Variants in PLEKHA7 observed in about 807,000 individuals in gnomAD.
PLEKHA7 encodes the protein pleckstrin homology domain containing A7.
Under a neutral mutation model 170.0 loss-of-function variants are expected in PLEKHA7, and 104 were observed. The observed-to-expected ratio is 0.61, with a 90% CI of 0.52 to 0.72. The LOEUF (loss-of-function observed/expected upper bound fraction) is 0.72, where lower values mean the gene tolerates loss of function less well. Among genes scored for constraint, PLEKHA7 ranks in the 30% least tolerant of loss-of-function variants. The probability of loss-of-function intolerance (pLI) is 0.00; values close to 1 mark genes in which losing one functional copy is unlikely to be tolerated. For missense variants in PLEKHA7, 1,615 were observed against 1,671.7 expected, an observed-to-expected ratio of 0.97 and a Z score of 0.59; for synonymous variants, 648 against 660.8, an observed-to-expected ratio of 0.98 and a Z score of 0.30.
chr11:16,864,439 G>T (rs571229088), intron 4 of PLEKHA7, among the ~76,000 whole-genome samples: 2 of 152,244 alleles, frequency 1.3e-5, no homozygotes, highest in South Asian at 4.2e-4. Context: ...TTCATTTAAT[G>T]TTAAAGAGGA....
In PLEKHA7 at chr11:17,007,473, C is replaced by A. The variant is rs540237904; in HGVS notation, c.221+6516G>T. On this transcript the variant is annotated intron_variant, in intron 3 of 26. Coordinates refer to ENST00000531066, the MANE Select transcript of PLEKHA7 (RefSeq NM_001329630.2). ...AAGTAGCTGGGATTACAGGCACTCG[C>A]CACCATGCCCATAAATAGCAATTTT... 4.6e-5 allele frequency among the ~76,000 whole-genome samples: 7 copies of A among 152,150 alleles called. No individual in the cohort carries two copies. In the East Asian group the frequency reaches 1.4e-3, roughly 29 times the overall value.
chr11:16,887,322 TCTCC>T (rs1856194615), intron 3 of PLEKHA7, among the ~76,000 whole-genome samples: 1 of 83,338 alleles, frequency 1.2e-5, no homozygotes, highest in South Asian at 3.5e-4. Flanking sequence ...TCCCTCTCCC[TCTCC>T]CCACGGTCTC....
chr11:16,899,115 C>T (rs763965247), intron 3 of PLEKHA7, among the ~76,000 whole-genome samples: 7 of 152,140 alleles, frequency 4.6e-5, no homozygotes, highest in Non-Finnish European at 1.0e-4. Context: ...CAAGTATAGC[C>T]AAGAGCTCTT....
At chr11:16,898,112 T>G (rs1231014840) in intron 3 of PLEKHA7, among the ~76,000 whole-genome samples, 2 of 152,120 alleles carry the variant, frequency 1.3e-5, no homozygotes, top group Non-Finnish European at 2.9e-5. Flanking sequence ...TCAAAAATAT[T>G]TTTGCTGCTT....
chr11:16,886,009 A>G (rs920186337), intron 3 of PLEKHA7, among the ~76,000 whole-genome samples: 2 of 151,866 alleles, frequency 1.3e-5, no homozygotes, highest in African/African-American at 2.4e-5. Context: ...AAAAAAAAAA[A>G]AAAGAAAGAA....
At chr11:16,906,671 G>T (rs1197273932) in intron 3 of PLEKHA7, among the ~76,000 whole-genome samples, 2 of 139,302 alleles carry the variant, frequency 1.4e-5, no homozygotes, top group Non-Finnish European at 3.0e-5. Flanking sequence ...ATCTCGGCTC[G>T]CTACAACCTC....
intron 10 of PLEKHA7, among the ~76,000 whole-genome samples, chr11:16,825,330 T>C (rs1035462407): frequency 2.0e-5 from 3 of 152,248 alleles, no homozygotes; most frequent in Non-Finnish European, 2.9e-5. Flanking sequence ...GTGGCAGACT[T>C]GGTCTGGATG....
At chr11:16,914,052 C>A (rs1037861932) in intron 3 of PLEKHA7, among the ~76,000 whole-genome samples, 13 of 151,920 alleles carry the variant, frequency 8.6e-5, no homozygotes, top group African/African-American at 2.9e-4. Context: ...ATGTGTGCAC[C>A]ACAGACTGTT....
intron 3 of PLEKHA7, among the ~76,000 whole-genome samples, chr11:16,963,315 TG>T (rs1862181380): frequency 6.6e-6 from 1 of 152,206 alleles, no homozygotes; most frequent in African/African-American, 2.4e-5. Context: ...CCTTGTACCT[TG>T]CTTAATTTAG....
In PLEKHA7 at chr11:16,789,064, C is replaced by T. The variant is rs757526770; in HGVS notation, c.3357+32G>A. 1 of 1,589,652 alleles carries T rather than the reference C, an allele frequency of 6.3e-7. No homozygotes were observed. The highest frequency in any genetic ancestry group is 1.1e-5 in the South Asian group (1 of 89,714). ...TCTGAGGGGCACTCGGCTCCCTGTC[C>T]CTGCCCCGCTGCCTGGCCCCTCCTA... On this transcript the variant is annotated intron_variant, in intron 23 of 26. Coordinates refer to ENST00000531066, the MANE Select transcript of PLEKHA7 (RefSeq NM_001329630.2). This position sits in a 1 kb window ranked among gnomAD's most constrained non-coding sequence, Gnocchi z 4.6.
intron 3 of PLEKHA7, among the ~76,000 whole-genome samples, chr11:16,887,998 C>T (rs1408622140): frequency 6.6e-6 from 1 of 150,498 alleles, no homozygotes; most frequent in South Asian, 2.1e-4. Context: ...AGCACCTCTG[C>T]CCCGCCGCCC....
Position 16,791,049 on chromosome 11 carries a change from C to T in PLEKHA7, c.2896G>A (p.Asp966Asn). Reference sequence around the variant, plus strand: ...TTCACACACTGCCCCAGCTCCCGGTCTCGCTTCCTCTCGTCTGACTGCCGC... The same window carrying T: ...TTCACACACTGCCCCAGCTCCCGGTTTCGCTTCCTCTCGTCTGACTGCCGC... ...LKRQSDERKR[D>N]RELGQCVNGD... Residue 966 changes from aspartate (D) to asparagine (N), a missense_variant, in exon 20 of 27, where the codon GAC becomes AAC. Physicochemically the swap from Asp to Asn is conservative, Grantham distance 23. Coordinates refer to ENST00000531066, the MANE Select transcript of PLEKHA7 (RefSeq NM_001329630.2). This position sits in a 1 kb window ranked among gnomAD's most constrained non-coding sequence, Gnocchi z 4.5. The T allele has an allele frequency of 6.2e-7, 1 of 1,614,146 alleles. No homozygotes were observed. The highest frequency in any genetic ancestry group is 8.5e-7 in the Non-Finnish European group (1 of 1,180,042).
intron 3 of PLEKHA7, among the ~76,000 whole-genome samples, chr11:16,873,948 T>C (rs1855078173): frequency 6.6e-6 from 1 of 152,196 alleles, no homozygotes; most frequent in African/African-American, 2.4e-5. Context: ...ATTACAGGCA[T>C]GACCCACCAC....
chr11:16,932,643 T>A (rs1046020916), intron 3 of PLEKHA7, among the ~76,000 whole-genome samples: 20 of 152,146 alleles, frequency 1.3e-4, no homozygotes, highest in Non-Finnish European at 2.9e-4. Context: ...GTAACCACCA[T>A]AGATGTAGTA....
At chr11:16,885,477 A>ATG (rs1399684567) in intron 3 of PLEKHA7, among the ~76,000 whole-genome samples, 2 of 147,340 alleles carry the variant, frequency 1.4e-5, no homozygotes, top group African/African-American at 5.0e-5. Context: ...TGGCCAAAAC[A>ATG]GTGAAACCTC....
intron 3 of PLEKHA7, among the ~76,000 whole-genome samples, chr11:16,981,447 G>A (rs1421742897): frequency 6.6e-6 from 1 of 152,118 alleles, no homozygotes; most frequent in Admixed American, 6.5e-5. Flanking sequence ...CGGAAGAGAA[G>A]AGCTTCCTGG....
At chr11:16,978,962 T>G (rs547048702) in intron 3 of PLEKHA7, among the ~76,000 whole-genome samples, 1 of 152,206 alleles carries the variant, frequency 6.6e-6, no homozygotes, top group East Asian at 1.9e-4. Flanking sequence ...GTCACAGGGG[T>G]CCTCTAAAAC....
chr11:16,789,700 T>C lies in PLEKHA7; in HGVS notation c.3156+75A>G. On this transcript the variant is annotated intron_variant, in intron 22 of 26. Coordinates refer to ENST00000531066, the MANE Select transcript of PLEKHA7 (RefSeq NM_001329630.2). The surrounding 1 kb of genome is among the most constrained non-coding windows in gnomAD (Gnocchi z 4.6). ...TCCCCAGGGCTGAAGGGATGGCCAG[T>C]TACTGTCCCCCTGGGAGACCCTCCC... The C allele has an allele frequency of 7.4e-7, 1 of 1,356,010 alleles. No homozygotes were observed. Among genetic ancestry groups the C allele is most frequent in the African/African-American group, 1.4e-5 (1 of 69,638 alleles). 84.0% of individuals were successfully genotyped at this position (1,356,010 alleles called of 1,614,324 possible).
intron 13 of PLEKHA7, among the ~76,000 whole-genome samples, chr11:16,810,911 A>T (rs1177179888): frequency 6.6e-6 from 1 of 152,182 alleles, no homozygotes; most frequent in Non-Finnish European, 1.5e-5. Flanking sequence ...AGCCTTTCGG[A>T]GTCACGGTCC....
Sources: gnomAD v4.1 joint callset for allele counts (sites outside exome capture counted in the v4.1 genomes callset) on GRCh38, gnomAD v4.1.1 for gene constraint, Gnocchi (gnomAD v3.1) non-coding constraint, MANE v1.5 for transcripts, NCBI Gene and HGNC (gene_info 2026-07-23, HGNC 2026-07-21) for gene names.